SPTLC1: variants seen among roughly 807,000 people sequenced by gnomAD.
SPTLC1 encodes serine palmitoyltransferase 1.
SPTLC1 carries 55 observed loss-of-function variants against 68.9 expected under a neutral mutation model. The observed-to-expected ratio is 0.80, with a 90% CI of 0.64 to 1.00. SPTLC1 has a LOEUF of 1.00. Among genes scored for constraint, SPTLC1 ranks in the 50% least tolerant of loss-of-function variants. The pLI is 0.00. For synonymous variants in SPTLC1, 197 were observed against 201.6 expected, an observed-to-expected ratio of 0.98 and a Z score of 0.19; for missense variants, 449 against 573.1, an observed-to-expected ratio of 0.78 and a Z score of 2.21.
intron 3 of SPTLC1, among the ~76,000 whole-genome samples, chr9:92,082,511 T>C (rs1434301124): frequency 2.0e-5 from 3 of 150,588 alleles, no homozygotes; most frequent in East Asian, 3.9e-4. Flanking sequence ...GTCCTTGCGA[T>C]AGTTTACTGA....
rs117424616 is a variant in SPTLC1 at position 92,074,816 on chromosome 9, C to T, written c.427+5200G>A. On this transcript the variant is annotated intron_variant, in intron 5 of 14. Coordinates refer to ENST00000262554, the MANE Select transcript of SPTLC1 (RefSeq NM_006415.4). ...TGTCATGCCTAACCCTTATACTCTC[C>T]TATCCTCAATACCGCCTTCCACAAC... Among the ~76,000 whole-genome samples the T allele has an allele frequency of 6.2e-3, 947 of 152,264 alleles. 21 individuals are homozygous for T. Among genetic ancestry groups the T allele is most frequent in the East Asian group, 0.045 (231 of 5,178 alleles).
chr9:92,049,141 G>A (rs577170261), intron 9 of SPTLC1, among the ~76,000 whole-genome samples: 3 of 152,142 alleles, frequency 2.0e-5, no homozygotes, highest in Non-Finnish European at 4.4e-5. Context: ...CCAACCTCCC[G>A]GGATATTCAC....
intron 3 of SPTLC1, among the ~76,000 whole-genome samples, chr9:92,107,491 G>A (rs1183196823): frequency 6.6e-6 from 1 of 152,206 alleles, no homozygotes; most frequent in Non-Finnish European, 1.5e-5. Flanking sequence ...GGCGGCTCAC[G>A]CCTGTAATCC....
chr9:92,038,183 A>G (rs1833208904), intron 13 of SPTLC1, 65 bp downstream of exon 13: 1 of 1,095,706 alleles, frequency 9.1e-7, no homozygotes, highest in Non-Finnish European at 1.4e-6. Context: ...ATTTAACATT[A>G]AAAAATTGCT....
intron 8 of SPTLC1, among the ~76,000 whole-genome samples, chr9:92,054,683 G>A (rs1833820434): frequency 1.3e-5 from 2 of 152,214 alleles, no homozygotes; most frequent in Non-Finnish European, 2.9e-5. Flanking sequence ...GGGAGGCCCA[G>A]GCGGGCAGAT....
chr9:92,074,159 G>T (rs1834594298), intron 5 of SPTLC1, among the ~76,000 whole-genome samples: 1 of 152,116 alleles, frequency 6.6e-6, no homozygotes, highest in South Asian at 2.1e-4. Flanking sequence ...TCTTACAGTG[G>T]AGGGTAAGTC....
chr9:92,079,947 T>C (rs549347308), intron 5 of SPTLC1, 69 bp downstream of exon 5: 4 of 1,363,760 alleles, frequency 2.9e-6, no homozygotes, highest in African/African-American at 1.4e-5. Flanking sequence ...TGAGCCACCA[T>C]GCCCAGCCTA....
chr9:92,053,304 T>C (rs981530149), intron 8 of SPTLC1, among the ~76,000 whole-genome samples: 8 of 152,182 alleles, frequency 5.3e-5, no homozygotes, highest in Non-Finnish European at 1.0e-4. Context: ...CCCTGGTATA[T>C]AGCTGATAGG....
chr9:92,034,651 T>C (rs1158117890), intron 14 of SPTLC1, among the ~76,000 whole-genome samples, 159 bp downstream of exon 14: 1 of 152,186 alleles, frequency 6.6e-6, no homozygotes, highest in Non-Finnish European at 1.5e-5. Flanking sequence ...TTTTAGAAAC[T>C]TCTAGTTTAA....
intron 1 of SPTLC1, 154 bp downstream of exon 1, chr9:92,115,160 C>A: frequency 1.4e-6 from 1 of 720,864 alleles, no homozygotes; most frequent in Admixed American, 2.1e-5. Context: ...ACCGCTGGGA[C>A]TAGAAGCTCC....
intron 8 of SPTLC1, among the ~76,000 whole-genome samples, chr9:92,050,799 A>T (rs1299138685): frequency 7.4e-6 from 1 of 135,824 alleles, no homozygotes; most frequent in Non-Finnish European, 1.5e-5. Context: ...AACAAAAGAC[A>T]GCACAATACT....
chr9:92,113,570 A>G (rs891526415), intron 1 of SPTLC1, among the ~76,000 whole-genome samples: 1 of 152,260 alleles, frequency 6.6e-6, no homozygotes, highest in Non-Finnish European at 1.5e-5. Flanking sequence ...AAAAGGGAGC[A>G]AACAACATTT....
At chr9:92,075,169 C>T (rs1834638436) in intron 5 of SPTLC1, among the ~76,000 whole-genome samples, 1 of 152,036 alleles carries the variant, frequency 6.6e-6, no homozygotes, top group Non-Finnish European at 1.5e-5. Flanking sequence ...ACAGAGTATC[C>T]CCCTCCAAAG....
intron 3 of SPTLC1, among the ~76,000 whole-genome samples, chr9:92,094,830 G>A (rs1835475709): frequency 6.6e-6 from 1 of 152,174 alleles, no homozygotes; most frequent in South Asian, 2.1e-4. Flanking sequence ...TCATTGACCA[G>A]CAGGGCATAC....
chr9:92,042,042 C>T (rs185555754), intron 12 of SPTLC1, among the ~76,000 whole-genome samples: 197 of 152,130 alleles, frequency 1.3e-3, no homozygotes, highest in African/African-American at 4.4e-3. Context: ...AGTGTGTTGA[C>T]TATATCTGTG....
At chr9:92,037,615 A>C (rs780101425) in intron 13 of SPTLC1, among the ~76,000 whole-genome samples, 2 of 152,010 alleles carry the variant, frequency 1.3e-5, no homozygotes, top group Non-Finnish European at 2.9e-5. Flanking sequence ...GGCAGGAAGC[A>C]CTCTGGAGGG....
chr9:92,103,175 A>T (rs1235768560), intron 3 of SPTLC1, among the ~76,000 whole-genome samples: 2 of 152,254 alleles, frequency 1.3e-5, no homozygotes, highest in African/African-American at 4.8e-5. Context: ...GATCTAGAAC[A>T]TAATCTTTAC....
intron 3 of SPTLC1, chr9:92,104,682 A>G: frequency 6.6e-7 from 1 of 1,526,676 alleles, no homozygotes; most frequent in South Asian, 1.2e-5. Flanking sequence ...GAAGCAACGG[A>G]GGTGAAAGAC....
intron 8 of SPTLC1, among the ~76,000 whole-genome samples, chr9:92,054,749 C>G (rs538511183): frequency 6.6e-6 from 1 of 152,164 alleles, no homozygotes; most frequent in East Asian, 1.9e-4. Flanking sequence ...CCCGTCTCTA[C>G]TAAAAATACA....
Sources: allele counts gnomAD v4.1 joint callset (sites outside exome capture counted in the v4.1 genomes callset), GRCh38; gene constraint gnomAD v4.1.1; transcripts MANE v1.5; gene names NCBI Gene and HGNC (gene_info 2026-07-23, HGNC 2026-07-21).